Variants in SLC36A1 observed in about 807,000 individuals in gnomAD.
SLC36A1 encodes solute carrier family 36 member 1.
Under a neutral mutation model 47.5 loss-of-function variants are expected in SLC36A1, and 30 were observed. The observed-to-expected ratio is 0.63, with a 90% CI of 0.47 to 0.86. SLC36A1 has a LOEUF of 0.86. Among genes scored for constraint, SLC36A1 ranks in the 40% least tolerant of loss-of-function variants. The probability of loss-of-function intolerance (pLI) is 0.00; values close to 1 mark genes in which losing one functional copy is unlikely to be tolerated. For synonymous variants in SLC36A1, 255 were observed against 249.7 expected, an observed-to-expected ratio of 1.02 and a Z score of -0.20; for missense variants, 517 against 606.0, an observed-to-expected ratio of 0.85 and a Z score of 1.54.
the SLC36A1 span, chr5:151,406,395 A>G: frequency 6.6e-6 from 1 of 152,360 alleles, no homozygotes; most frequent in Middle Eastern, 3.4e-3. Flanking sequence ...AGTGCTCTTT[A>G]TCTACCCCAT....
At chr5:151,516,861 T>C in the SLC36A1 span, among the ~76,000 whole-genome samples, 2 of 152,166 alleles carry the variant, frequency 1.3e-5, no homozygotes, top group Non-Finnish European at 2.9e-5. Context: ...ATCCTAGCAC[T>C]TTGGGATGCC....
chr5:151,512,341 T>A, the SLC36A1 span: 22 of 1,614,138 alleles, frequency 1.4e-5, no homozygotes, highest in East Asian at 3.6e-4. The surrounding 1 kb of genome is among the most constrained non-coding windows in gnomAD (Gnocchi z 4.1). Context: ...CAGGCAGCCT[T>A]CAAAGCCCTG....
the SLC36A1 span, among the ~76,000 whole-genome samples, chr5:151,381,649 C>T: frequency 1.3e-5 from 2 of 152,162 alleles, no homozygotes; most frequent in African/African-American, 2.4e-5. Context: ...CTGCACTTGA[C>T]AGATCAGCTG....
upstream of SLC36A1, among the ~76,000 whole-genome samples, chr5:151,445,868 C>CT (rs909133075): frequency 6.6e-6 from 1 of 151,470 alleles, no homozygotes; most frequent in African/African-American, 2.4e-5. Flanking sequence ...TATTAGTCTT[C>CT]TTTTTTTTCT....
At chr5:151,501,328 G>A in the SLC36A1 span, among the ~76,000 whole-genome samples, 1 of 151,820 alleles carries the variant, frequency 6.6e-6, no homozygotes, top group Admixed American at 6.6e-5. Context: ...GTCTCCCACG[G>A]GTGTGCCTTC....
chr5:151,497,264 C>T (rs943661931), downstream of SLC36A1, among the ~76,000 whole-genome samples: 4 of 152,008 alleles, frequency 2.6e-5, no homozygotes, highest in African/African-American at 2.4e-5. Context: ...ATAGAAGTTC[C>T]CCTCTATTTC....
chr5:151,404,774 A>G, the SLC36A1 span, among the ~76,000 whole-genome samples: 1 of 152,202 alleles, frequency 6.6e-6, no homozygotes, highest in African/African-American at 2.4e-5. Context: ...TGAGAAGACT[A>G]CTGTTTAACC....
the SLC36A1 span, chr5:151,549,296 T>G: frequency 6.2e-7 from 1 of 1,612,580 alleles, no homozygotes; most frequent in East Asian, 2.2e-5. Context: ...GCCTCTCACC[T>G]TTCAGGAGGG....
intron 7 of SLC36A1, among the ~76,000 whole-genome samples, chr5:151,471,785 G>A (rs1757345635): frequency 6.6e-6 from 1 of 152,090 alleles, no homozygotes; most frequent in African/African-American, 2.4e-5. Context: ...CTTAATAATG[G>A]ATCTCCTTTT....
At chr5:151,344,612 G>A in the SLC36A1 span, among the ~76,000 whole-genome samples, 1 of 152,228 alleles carries the variant, frequency 6.6e-6, no homozygotes. Flanking sequence ...GAGGCACAGA[G>A]ATTTGTTAAT....
the SLC36A1 span, among the ~76,000 whole-genome samples, chr5:151,402,672 T>G: frequency 6.6e-6 from 1 of 152,146 alleles, no homozygotes; most frequent in African/African-American, 2.4e-5. Flanking sequence ...TAAATGCTGA[T>G]TCAATTTTGA....
At chr5:151,545,483 C>T in the SLC36A1 span, 3 of 1,614,190 alleles carry the variant, frequency 1.9e-6, no homozygotes, top group Non-Finnish European at 2.5e-6. Context: ...ATAGGCCCGA[C>T]TATTGCTACC....
At chr5:151,523,777 C>A in the SLC36A1 span, among the ~76,000 whole-genome samples, 1 of 152,148 alleles carries the variant, frequency 6.6e-6, no homozygotes, top group African/African-American at 2.4e-5. Context: ...CCACTGGACA[C>A]CTCTGCTTGG....
chr5:151,512,610 C>A, the SLC36A1 span: 1 of 1,590,396 alleles, frequency 6.3e-7, no homozygotes, highest in Admixed American at 1.8e-5. This position sits in a 1 kb window ranked among gnomAD's most constrained non-coding sequence, Gnocchi z 4.1. Context: ...TGGCCAGCTG[C>A]AAAGGAAATC....
At chr5:151,424,553 A>T in the SLC36A1 span, among the ~76,000 whole-genome samples, 1 of 152,200 alleles carries the variant, frequency 6.6e-6, no homozygotes, top group Non-Finnish European at 1.5e-5. Context: ...CATGAAATAA[A>T]TTTATCTCCC....
At chr5:151,406,825 C>T in the SLC36A1 span, among the ~76,000 whole-genome samples, 57 of 152,154 alleles carry the variant, frequency 3.7e-4, no homozygotes, top group Non-Finnish European at 2.2e-4. Context: ...CTGGTGGGTT[C>T]TTGGTCTTGC....
chr5:151,422,670 A>G, the SLC36A1 span, among the ~76,000 whole-genome samples: 3 of 151,846 alleles, frequency 2.0e-5, 1 homozygote, highest in African/African-American at 2.4e-5. Flanking sequence ...TGAGGCTGCA[A>G]TGAGTTATGA....
chr5:151,417,140 A>G, the SLC36A1 span, among the ~76,000 whole-genome samples: 1 of 152,240 alleles, frequency 6.6e-6, no homozygotes, highest in Admixed American at 6.5e-5. Context: ...GAACTAATAC[A>G]GTAAATTGGT....
Position 151,465,071 on chromosome 5 carries a change from C to T in SLC36A1, c.324-3C>T. 1.2e-6 allele frequency: 2 copies of T among 1,611,504 alleles called. No homozygotes were observed. The highest frequency in any genetic ancestry group is 8.5e-7 in the Non-Finnish European group (1 of 1,177,602). ...TCCTTCCTCTTCCCTCCTACTCTTC[C>T]AGGCTGAATAAATCCTTTGTGGATT... On this transcript the variant is annotated splice_region_variant and splice_polypyrimidine_tract_variant and intron_variant, in intron 4 of 10. Transcript: ENST00000243389.
Sources: gnomAD v4.1 joint callset for allele counts (sites outside exome capture counted in the v4.1 genomes callset) on GRCh38, gnomAD v4.1.1 for gene constraint, Gnocchi (gnomAD v3.1) non-coding constraint, MANE v1.5 for transcripts, NCBI Gene and HGNC (gene_info 2026-07-23, HGNC 2026-07-21) for gene names.